ZNF609: variants seen among roughly 807,000 people sequenced by gnomAD.
The protein encoded by ZNF609 is zinc finger protein 609.
In ZNF609, 11 loss-of-function variants were observed where a neutral mutation model predicts 109.5. That is an observed-to-expected ratio of 0.10 (90% confidence interval 0.06 to 0.17). The LOEUF is 0.17. Among genes scored for constraint, ZNF609 ranks in the 10% least tolerant of loss-of-function variants. ZNF609 has a pLI of 1.00. For synonymous variants in ZNF609, 646 were observed against 662.0 expected, an observed-to-expected ratio of 0.98 and a Z score of 0.37; for missense variants, 1,559 against 1,772.4, an observed-to-expected ratio of 0.88 and a Z score of 2.16.
intron 2 of ZNF609, among the ~76,000 whole-genome samples, chr15:64,567,322 A>T (rs1894791554): frequency 6.6e-6 from 1 of 151,902 alleles, no homozygotes; most frequent in Non-Finnish European, 1.5e-5. Context: ...TCTCTACTAA[A>T]AATACAAAAA....
chr15:64,670,268 A>G, intron 3 of ZNF609, 78 bp from the exon 4 acceptor site: 1 of 1,164,780 alleles, frequency 8.6e-7, no homozygotes, highest in South Asian at 1.2e-5. Flanking sequence ...TAGAAGTCAG[A>G]GTGCTGATCA....
chr15:64,532,246 C>T (rs890467638), intron 2 of ZNF609, among the ~76,000 whole-genome samples: 24 of 152,166 alleles, frequency 1.6e-4, no homozygotes, highest in African/African-American at 5.6e-4. Context: ...CACCTCTGTA[C>T]CCTCCTTTTA....
chr15:64,573,346 C>T (rs55744727), intron 2 of ZNF609, among the ~76,000 whole-genome samples: 904 of 72,474 alleles, frequency 0.012, 3 homozygotes, highest in Middle Eastern at 0.03. Context: ...GCCCAACTTT[C>T]TTTTTTTTTT....
At chr15:64,630,217 G>A (rs545337711) in intron 3 of ZNF609, among the ~76,000 whole-genome samples, 3 of 150,092 alleles carry the variant, frequency 2.0e-5, no homozygotes, top group Non-Finnish European at 3.0e-5. Context: ...GATTACAGGC[G>A]CCCACCACCA....
At chr15:64,581,193 T>G in intron 2 of ZNF609, among the ~76,000 whole-genome samples, 1 of 151,992 alleles carries the variant, frequency 6.6e-6, no homozygotes, top group East Asian at 1.9e-4. Context: ...TGGCCTAGCC[T>G]TCACTTTCTG....
intron 2 of ZNF609, among the ~76,000 whole-genome samples, chr15:64,527,256 C>T (rs1280867522): frequency 4.7e-5 from 7 of 149,666 alleles, no homozygotes; most frequent in Admixed American, 1.3e-4. Flanking sequence ...AAAAGACTAA[C>T]GGCTATCTGA....
chr15:64,613,362 A>C (rs1185020066), intron 2 of ZNF609, among the ~76,000 whole-genome samples: 3 of 152,164 alleles, frequency 2.0e-5, no homozygotes, highest in South Asian at 2.1e-4. Flanking sequence ...TCCTCCACTT[A>C]TAGTTAAATG....
chr15:64,575,035 G>A (rs1330596555), intron 2 of ZNF609, among the ~76,000 whole-genome samples: 1 of 152,218 alleles, frequency 6.6e-6, no homozygotes, highest in Non-Finnish European at 1.5e-5. Context: ...TGGCAGCACA[G>A]TATATAGAAA....
intron 2 of ZNF609, among the ~76,000 whole-genome samples, chr15:64,533,936 C>T (rs1166216691): frequency 6.6e-6 from 1 of 152,004 alleles, no homozygotes; most frequent in African/African-American, 2.4e-5. Context: ...AATTTTATAT[C>T]ACGTGTAGGT....
At chr15:64,607,166 AAAAT>A (rs937126794) in intron 2 of ZNF609, among the ~76,000 whole-genome samples, 100 of 89,782 alleles carry the variant, frequency 1.1e-3, no homozygotes, top group African/African-American at 2.5e-3. Context: ...AATAAAGTAA[AAAAT>A]AAATAAATAA....
chr15:64,576,225 A>G (rs1349750520), intron 2 of ZNF609, among the ~76,000 whole-genome samples: 2 of 152,194 alleles, frequency 1.3e-5, no homozygotes, highest in African/African-American at 4.8e-5. Context: ...AAATTTATCT[A>G]CTTAGTTTAT....
At chr15:64,622,016 G>A (rs888520358) in intron 2 of ZNF609, among the ~76,000 whole-genome samples, 5 of 152,054 alleles carry the variant, frequency 3.3e-5, no homozygotes, top group Non-Finnish European at 5.9e-5. Context: ...GTGAGCCACC[G>A]TGCCTAGCCA....
chr15:64,493,852 TAAAC>T (rs1370221684), intron 1 of ZNF609, among the ~76,000 whole-genome samples: 1 of 152,228 alleles, frequency 6.6e-6, no homozygotes, highest in Admixed American at 6.5e-5. Flanking sequence ...CTCTTGGGGT[TAAAC>T]ATCTCTGCAA....
intron 2 of ZNF609, among the ~76,000 whole-genome samples, chr15:64,556,425 T>C (rs1214703270): frequency 6.6e-6 from 1 of 152,166 alleles, no homozygotes; most frequent in African/African-American, 2.4e-5. Flanking sequence ...GAACCACTGC[T>C]CCTGGCCAGC....
chr15:64,655,652 C>T (rs886864162), intron 3 of ZNF609, among the ~76,000 whole-genome samples: 37 of 151,358 alleles, frequency 2.4e-4, no homozygotes, highest in African/African-American at 9.0e-4. Context: ...CATGGTGAAA[C>T]CTCATCTCTA....
chr15:64,470,720 C>T (rs1266176765), intron 1 of ZNF609: 1 of 151,988 alleles, frequency 6.6e-6, no homozygotes, highest in Non-Finnish European at 1.5e-5. Flanking sequence ...TGGGGTTTCA[C>T]CATGTTGTTC....
intron 2 of ZNF609, among the ~76,000 whole-genome samples, chr15:64,577,200 A>AATAC (rs1477073421): frequency 1.1e-5 from 1 of 92,002 alleles, no homozygotes; most frequent in African/African-American, 3.9e-5. Context: ...TATACACACA[A>AATAC]ATACATATAT....
chr15:64,514,352 A>G (rs898250692), intron 2 of ZNF609, among the ~76,000 whole-genome samples: 1 of 152,226 alleles, frequency 6.6e-6, no homozygotes, highest in African/African-American at 2.4e-5. Flanking sequence ...TGGAATGAAT[A>G]TAGCTTAATG....
intron 1 of ZNF609, among the ~76,000 whole-genome samples, chr15:64,465,361 C>T (rs1596373014): frequency 1.4e-5 from 2 of 148,066 alleles, no homozygotes; most frequent in African/African-American, 4.9e-5. Context: ...TGCATCTCTT[C>T]GGTTGTTTAT....
Sources: gnomAD v4.1 joint callset for allele counts (sites outside exome capture counted in the v4.1 genomes callset) on GRCh38, gnomAD v4.1.1 for gene constraint, MANE v1.5 for transcripts, NCBI Gene and HGNC (gene_info 2026-07-23, HGNC 2026-07-21) for gene names.